CD53: variants seen among roughly 807,000 people sequenced by gnomAD.
The protein encoded by CD53 is CD53 molecule.
CD53 carries 20 observed loss-of-function variants against 27.3 expected under a neutral mutation model. The ratio of observed to expected loss-of-function variants is 0.73; its 90% CI spans 0.52 to 1.07. The LOEUF is 1.07. Ranked by LOEUF, CD53 falls within the 50% of genes least tolerant of loss-of-function variation. CD53 has a pLI of 0.00. For synonymous variants in CD53, 106 were observed against 105.3 expected (o/e 1.01, Z -0.04); for missense variants, 216 against 264.0 (o/e 0.82, Z 1.26).
intron 4 of CD53, among the ~76,000 whole-genome samples, chr1:110,894,638 A>C (rs1354379921): frequency 6.6e-6 from 1 of 152,144 alleles, no homozygotes; most frequent in Non-Finnish European, 1.5e-5. Context: ...CTCTTCCTCT[A>C]CTTGCTTTCC....
At chr1:110,888,525 T>A (rs1179127262) in intron 1 of CD53, among the ~76,000 whole-genome samples, 1 of 152,220 alleles carries the variant, frequency 6.6e-6, no homozygotes, top group Non-Finnish European at 1.5e-5. Flanking sequence ...GACCATTATT[T>A]TATAGTCTAC....
chr1:110,891,620 A>T, intron 2 of CD53, 149 bp downstream of exon 2: 2 of 664,864 alleles, frequency 3.0e-6, no homozygotes, highest in Non-Finnish European at 2.7e-6. Flanking sequence ...AAGAGTAATA[A>T]TTTTTCCCCT....
intron 1 of CD53, among the ~76,000 whole-genome samples, chr1:110,886,537 G>GCT (rs537832503): frequency 2.0e-5 from 3 of 151,978 alleles, no homozygotes; most frequent in Admixed American, 6.6e-5. Context: ...AACTCATGAT[G>GCT]CTCTGTTCAT....
intron 1 of CD53, 131 bp from the exon 2 acceptor site, chr1:110,891,261 G>T: frequency 1.5e-6 from 1 of 665,796 alleles, no homozygotes. Flanking sequence ...GCAGAGTTTG[G>T]GGAAACTTTC....
upstream of CD53, among the ~76,000 whole-genome samples, chr1:110,872,561 T>G (rs150185154): frequency 3.9e-4 from 60 of 152,298 alleles, no homozygotes; most frequent in African/African-American, 1.4e-3. Context: ...TTTCTACCAG[T>G]GCCCCTGGGA....
At position 110,891,471 on chromosome 1, in the gene CD53, G is replaced by T. The variant is rs754002802; in HGVS notation, c.63G>T (p.Trp21Cys). The stretch of plus-strand genomic sequence containing the variant: ...TGTTTTTCTTCAACTTGCTCTTTTG[G>T]GTAAGTGTATCTCTTCTGAGCACGG... Reference protein sequence around the residue: ...YVLFFFNLLFWICGCCILGFG... With the variant: ...YVLFFFNLLFCICGCCILGFG... Residue 21 changes from tryptophan (W) to cysteine (C), a missense_variant and splice_region_variant, in exon 2 of 8, where the codon TGG becomes TGT. Coordinates refer to ENST00000271324, the MANE Select transcript of CD53 (RefSeq NM_000560.4). The T allele has an allele frequency of 6.2e-7, 1 of 1,610,588 alleles. No individual in the cohort carries two copies. The highest frequency in any genetic ancestry group is 1.1e-5 in the South Asian group (1 of 90,998).
At chr1:110,890,333 G>A (rs573008309) in intron 1 of CD53, among the ~76,000 whole-genome samples, 16 of 152,292 alleles carry the variant, frequency 1.1e-4, no homozygotes, top group African/African-American at 3.1e-4. Context: ...TTGGGAGGCC[G>A]AGGCAGGCGG....
intron 3 of CD53, 174 bp downstream of exon 3, chr1:110,892,707 G>T: frequency 1.6e-6 from 1 of 607,240 alleles, no homozygotes; most frequent in Non-Finnish European, 2.9e-6. Context: ...TATGACTAGG[G>T]TCCCACGGAC....
At chr1:110,894,231 G>A in intron 3 of CD53, 96 bp from the exon 4 acceptor site, 1 of 998,644 alleles carries the variant, frequency 1.0e-6, no homozygotes, top group Non-Finnish European at 1.6e-6. Context: ...GGAACACCCT[G>A]TACTCGTGCA....
At chr1:110,879,971 CAG>C (rs1656290376) in intron 1 of CD53, among the ~76,000 whole-genome samples, 1 of 152,094 alleles carries the variant, frequency 6.6e-6, no homozygotes, top group Non-Finnish European at 1.5e-5. Flanking sequence ...AAAAAAAAGA[CAG>C]GGATGGAATT....
chr1:110,877,709 AG>A (rs1656180944), intron 1 of CD53, among the ~76,000 whole-genome samples: 1 of 152,210 alleles, frequency 6.6e-6, no homozygotes, highest in Non-Finnish European at 1.5e-5. Context: ...AATTTTTATC[AG>A]ATTACAATTT....
At chr1:110,885,882 A>G (rs1046143761) in intron 1 of CD53, among the ~76,000 whole-genome samples, 1 of 152,176 alleles carries the variant, frequency 6.6e-6, no homozygotes, top group Non-Finnish European at 1.5e-5. Context: ...AAAAATAAAA[A>G]TGAATTAAAG....
chr1:110,897,639 T>C, intron 6 of CD53, 170 bp from the exon 7 acceptor site: 1 of 482,410 alleles, frequency 2.1e-6, no homozygotes, highest in East Asian at 3.3e-5. Flanking sequence ...TAGTTTAATA[T>C]TTCCCACCTT....
intron 1 of CD53, among the ~76,000 whole-genome samples, chr1:110,876,019 G>C (rs941625010): frequency 1.2e-4 from 18 of 152,076 alleles, no homozygotes; most frequent in African/African-American, 4.1e-4. Flanking sequence ...TATTGTAAAA[G>C]AAAATATGAC....
At chr1:110,873,108 A>G (rs1022015752), upstream of CD53, 4 of 152,598 alleles carry the variant, frequency 2.6e-5, no homozygotes, top group African/African-American at 9.7e-5. Context: ...CTGTCGTCAC[A>G]GCATGATCAT....
rs1412609866 is a variant in CD53, at chr1:110,899,197, C to T, written c.*2C>T. On this transcript the variant is annotated 3_prime_UTR_variant, in exon 8 of 8. Coordinates refer to ENST00000271324, the MANE Select transcript of CD53 (RefSeq NM_000560.4). ...ACCAGCCAGACCATAGGGCTATGAT[C>T]TGCAGTAGTCCTGTGGTGAAGAGAC... The T allele has an allele frequency of 1.2e-6, 2 of 1,609,036 alleles. No individual in the cohort carries two copies. Among genetic ancestry groups the T allele is most frequent in the Non-Finnish European group, 8.5e-7 (1 of 1,175,394 alleles).
chr1:110,886,871 T>TATATATATATATATATATATATA (rs1243346959), intron 1 of CD53, among the ~76,000 whole-genome samples: 1 of 76,078 alleles, frequency 1.3e-5, no homozygotes, highest in African/African-American at 3.6e-5. Flanking sequence ...ATATATATAT[T>TATATATATATATATATATATATA]TTTTTTTTCT....
intron 4 of CD53, among the ~76,000 whole-genome samples, 154 bp from the exon 5 acceptor site, chr1:110,894,806 C>T (rs1344096915): frequency 6.6e-6 from 1 of 152,170 alleles, no homozygotes; most frequent in Admixed American, 6.5e-5. Flanking sequence ...AGCCTGTATG[C>T]CCATAGATAA....
chr1:110,881,549 T>C (rs1179325464), intron 1 of CD53, among the ~76,000 whole-genome samples: 1 of 152,258 alleles, frequency 6.6e-6, no homozygotes, highest in East Asian at 1.9e-4. Flanking sequence ...TTACAAATAA[T>C]ACTACAAAAC....
Sources: gnomAD v4.1 joint callset for allele counts (sites outside exome capture counted in the v4.1 genomes callset) on GRCh38, gnomAD v4.1.1 for gene constraint, MANE v1.5 for transcripts, NCBI Gene and HGNC (gene_info 2026-07-23, HGNC 2026-07-21) for gene names.